RAB3D: variants seen among roughly 807,000 people sequenced by gnomAD.
RAB3D encodes RAB3D, member RAS oncogene family.
A neutral mutation model predicts 19.3 loss-of-function variants in RAB3D; 17 were observed. The ratio of observed to expected loss-of-function variants is 0.88; its 90% CI spans 0.60 to 1.32. The LOEUF is 1.32. Among genes scored for constraint, RAB3D ranks in the 40% most tolerant of loss-of-function variants. The probability of loss-of-function intolerance (pLI) is 0.00; values close to 1 mark genes in which losing one functional copy is unlikely to be tolerated. For synonymous variants in RAB3D, 103 were observed against 119.9 expected (o/e 0.86, Z 0.92); for missense variants, 223 against 299.1 (o/e 0.75, Z 1.88).
At chr19:11,338,449 G>T (rs1966918644) in intron 1 of RAB3D, among the ~76,000 whole-genome samples, 1 of 152,202 alleles carries the variant, frequency 6.6e-6, no homozygotes, top group South Asian at 2.1e-4. Flanking sequence ...TAAGGCTTGG[G>T]TGTTGACTTT....
Position 11,325,176 on chromosome 19 carries a change from T to G in RAB3D, c.*222A>C, listed in dbSNP as rs2080804339. 1 of 506,104 alleles carries G rather than the reference T, an allele frequency of 2.0e-6. No individual in the cohort carries two copies. Among genetic ancestry groups the G allele is most frequent in the East Asian group, 3.3e-5 (1 of 29,896 alleles). The allele number at this position is 506,104 out of a possible 1,614,324, so 31.4% of individuals were successfully genotyped here. On this transcript the variant is annotated 3_prime_UTR_variant, in exon 5 of 5. Coordinates refer to ENST00000222120, the MANE Select transcript of RAB3D (RefSeq NM_004283.4). ...AGTGTCCCTGGGCCTCTGCCTGCCA[T>G]GCAGAGCTGAGTCCCCATGGTCCGC...
chr19:11,326,716 G>A (rs562649810), intron 4 of RAB3D: 16 of 681,556 alleles, frequency 2.3e-5, no homozygotes, highest in African/African-American at 1.6e-4. Flanking sequence ...CGATCCTCCC[G>A]CCTTGGCCCC....
intron 4 of RAB3D, among the ~76,000 whole-genome samples, chr19:11,332,258 C>G (rs2080838012): frequency 6.6e-6 from 1 of 152,242 alleles, no homozygotes; most frequent in African/African-American, 2.4e-5. Flanking sequence ...TCTCAAACTC[C>G]TGACCTCAGG....
chr19:11,336,737 G>A lies in RAB3D; in HGVS notation c.228+435C>T, dbSNP rs574394528. Among the ~76,000 whole-genome samples, 192 of 152,050 alleles carry A rather than the reference G, an allele frequency of 1.3e-3. 1 individual carries two copies. Among genetic ancestry groups the A allele is most frequent in the African/African-American group, 4.4e-3 (184 of 41,504 alleles). ...TGTAATCCCAGCGCTTTGGGAGGCC[G>A]AGGTGGGCGGATCACGAGGTCAGGA... On this transcript the variant is annotated intron_variant, in intron 2 of 4. Coordinates refer to ENST00000222120, the MANE Select transcript of RAB3D (RefSeq NM_004283.4).
intron 4 of RAB3D, among the ~76,000 whole-genome samples, chr19:11,335,226 C>T: frequency 6.6e-6 from 1 of 152,190 alleles, no homozygotes; most frequent in Admixed American, 6.5e-5. Context: ...GATCAATTTC[C>T]AGAAATGGTT....
At chr19:11,330,643 A>T (rs2080832364) in intron 4 of RAB3D, among the ~76,000 whole-genome samples, 1 of 151,766 alleles carries the variant, frequency 6.6e-6, no homozygotes, top group Non-Finnish European at 1.5e-5. Flanking sequence ...TCTGCCTCCC[A>T]GGTTCAAGCA....
At chr19:11,332,802 T>TATAAAATATATATTTTATTTTG in intron 4 of RAB3D, among the ~76,000 whole-genome samples, 1 of 151,770 alleles carries the variant, frequency 6.6e-6, no homozygotes, top group Non-Finnish European at 1.5e-5. Flanking sequence ...TTTAAAAAAG[T>TATAAAATATATATTTTATTTTG]GTAGGCCGGG....
chr19:11,335,837 C>G, intron 2 of RAB3D, 54 bp from the exon 3 acceptor site: 1 of 1,537,844 alleles, frequency 6.5e-7, no homozygotes, highest in Non-Finnish European at 9.0e-7. Context: ...CCAGTCCACC[C>G]CTGTCTTAGA....
intron 4 of RAB3D, among the ~76,000 whole-genome samples, chr19:11,330,992 A>C (rs1365946106): frequency 2.0e-5 from 3 of 150,292 alleles, no homozygotes; most frequent in Non-Finnish European, 4.4e-5. Flanking sequence ...CTCCAGCCTG[A>C]GCACCAGAGA....
At chr19:11,325,992 G>A (rs1038862624) in intron 4 of RAB3D, among the ~76,000 whole-genome samples, 7 of 152,028 alleles carry the variant, frequency 4.6e-5, no homozygotes, top group African/African-American at 1.7e-4. Context: ...AGGCCGAGGC[G>A]GGAGGATCAT....
At chr19:11,337,700 C>T (rs1431482227) in intron 1 of RAB3D, among the ~76,000 whole-genome samples, 2 of 150,466 alleles carry the variant, frequency 1.3e-5, no homozygotes, top group South Asian at 2.1e-4. Flanking sequence ...GACAAGATCT[C>T]GCTCTGTTGC....
At chr19:11,338,906 C>T (rs76840102) in intron 1 of RAB3D, among the ~76,000 whole-genome samples, 8,166 of 152,318 alleles carry the variant, frequency 0.054, 329 homozygotes, top group African/African-American at 0.12. Flanking sequence ...TGTCTATGGC[C>T]GCTGCGGGAA....
intron 4 of RAB3D, among the ~76,000 whole-genome samples, chr19:11,326,025 C>T (rs28407490): frequency 3.3e-5 from 5 of 151,908 alleles, no homozygotes; most frequent in African/African-American, 4.8e-5. Context: ...GTTCAAGACC[C>T]GCCTGACCAA....
chr19:11,331,009 T>C (rs1190688333), intron 4 of RAB3D, among the ~76,000 whole-genome samples: 3 of 147,802 alleles, frequency 2.0e-5, no homozygotes, highest in Admixed American at 6.7e-5. Flanking sequence ...GAGAGAGACC[T>C]TGCCTCAAAA....
chr19:11,329,936 C>G (rs2080829978), intron 4 of RAB3D, among the ~76,000 whole-genome samples: 1 of 152,186 alleles, frequency 6.6e-6, no homozygotes, highest in South Asian at 2.1e-4. Context: ...CCCACTTCAG[C>G]CTCCCAAAGT....
In RAB3D at chr19:11,337,262, G is replaced by A; in HGVS notation, c.138C>T (p.Ser46=). 6.2e-7 allele frequency: 1 copy of A among 1,614,140 alleles called. No individual in the cohort carries two copies. Among genetic ancestry groups the A allele is most frequent in the Non-Finnish European group, 8.5e-7 (1 of 1,180,038 alleles). Residue 46 remains serine, a synonymous_variant, in exon 2 of 5, where the codon TCC becomes TCT. Coordinates refer to ENST00000222120, the MANE Select transcript of RAB3D (RefSeq NM_004283.4). ...CAGTACTGACGAAGGCGGGAGTGAA[G>A]GAGTCGTCCGCGTATCGGAACAGGA... The part of the protein sequence containing the change: ...TSFLFRYADD[S]FTPAFVSTVG...
At chr19:11,335,394 A>C (rs1159315015) in intron 4 of RAB3D, 53 bp downstream of exon 4, 1 of 1,605,132 alleles carries the variant, frequency 6.2e-7, no homozygotes, top group Non-Finnish European at 8.5e-7. Flanking sequence ...GAGGATGGGG[A>C]TGAGGGTTTG....
In RAB3D at chr19:11,337,365, C is replaced by T. The variant is rs138574841; in HGVS notation, c.35G>A (p.Arg12Gln). The T allele has an allele frequency of 8.7e-6, 14 of 1,614,030 alleles. No homozygotes were observed. The highest frequency in any genetic ancestry group is 1.6e-4 in the Middle Eastern group (1 of 6,084). ...GTCGAAGTTCTGATCTGCTGCATCC[C>T]GTGGGCCTGCCTGGGTGTCTCCAGC... ...ASAGDTQAGP[R>Q]DAADQNFDYM... is the part of the protein sequence containing the mutation. Residue 12 changes from arginine (R) to glutamine (Q), a missense_variant, in exon 2 of 5, where the codon CGG becomes CAG. Coordinates refer to ENST00000222120, the MANE Select transcript of RAB3D (RefSeq NM_004283.4).
chr19:11,332,422 G>A (rs1481654962), intron 4 of RAB3D, among the ~76,000 whole-genome samples: 1 of 151,688 alleles, frequency 6.6e-6, no homozygotes, highest in Non-Finnish European at 1.5e-5. Context: ...TTGGCTCAAT[G>A]CAACCTCTGC....
Sources: allele counts gnomAD v4.1 joint callset (sites outside exome capture counted in the v4.1 genomes callset), GRCh38; gene constraint gnomAD v4.1.1; transcripts MANE v1.5; gene names NCBI Gene and HGNC (gene_info 2026-07-23, HGNC 2026-07-21).